Variants in EIF2AK2 observed in about 807,000 individuals in gnomAD.
The protein encoded by EIF2AK2 is interferon-induced, double-stranded RNA-activated protein kinase.
Under a neutral mutation model 70.5 loss-of-function variants are expected in EIF2AK2, and 40 were observed. That is an observed-to-expected ratio of 0.57 (90% CI 0.44 to 0.74). The LOEUF is 0.74. Among genes scored for constraint, EIF2AK2 ranks in the 30% least tolerant of loss-of-function variants. The pLI is 0.00. For missense variants in EIF2AK2, 555 were observed against 644.3 expected (o/e 0.86, Z 1.50); for synonymous variants, 198 against 220.9 (o/e 0.90, Z 0.92).
intron 1 of EIF2AK2, among the ~76,000 whole-genome samples, chr2:37,149,766 T>C (rs1266144951): frequency 1.3e-5 from 2 of 152,200 alleles, no homozygotes; most frequent in African/African-American, 4.8e-5. Context: ...ATAACAGATA[T>C]GCTTCATGAT....
At chr2:37,153,259 C>T (rs1295914213) in intron 1 of EIF2AK2, among the ~76,000 whole-genome samples, 1 of 151,520 alleles carries the variant, frequency 6.6e-6, no homozygotes, top group Non-Finnish European at 1.5e-5. Flanking sequence ...ATCCACAACT[C>T]TTAATCTTTC....
intron 14 of EIF2AK2, among the ~76,000 whole-genome samples, chr2:37,114,472 T>C (rs925118864): frequency 1.3e-5 from 2 of 152,108 alleles, no homozygotes; most frequent in African/African-American, 4.8e-5. Flanking sequence ...AAATAAGTCC[T>C]TGAAAAAATG....
intron 1 of EIF2AK2, among the ~76,000 whole-genome samples, chr2:37,150,504 A>G (rs1573042860): frequency 6.6e-6 from 1 of 152,202 alleles, no homozygotes; most frequent in Non-Finnish European, 1.5e-5. Flanking sequence ...AGGTCATGGA[A>G]CAATCATCAT....
chr2:37,147,193 C>T (rs1675576410), intron 3 of EIF2AK2, among the ~76,000 whole-genome samples: 1 of 152,192 alleles, frequency 6.6e-6, no homozygotes, highest in Non-Finnish European at 1.5e-5. Context: ...TGTGGCTCCA[C>T]CATGGTTCCC....
intron 8 of EIF2AK2, among the ~76,000 whole-genome samples, chr2:37,137,237 A>C (rs1675160050): frequency 6.6e-6 from 1 of 152,182 alleles, no homozygotes; most frequent in Admixed American, 6.5e-5. Context: ...TTTTGATTTA[A>C]ATTTTCCTGA....
At position 37,146,869 on chromosome 2, in the gene EIF2AK2, A is replaced by G; in HGVS notation, c.224T>C (p.Leu75Pro). The stretch of plus-strand genomic sequence containing the variant: ...ATCACTCACCTTCTTTTCCTTATTA[A>G]GTATCTCAACAGCTAATTTGGCTGC... ...NAAAKLAVEI[L>P]NKEKKAVSPL... The change falls in exon 4 of 17, where the codon CTT becomes CCT. Residue 75 changes from leucine (L) to proline (P), a missense_variant. Around this residue, in one of 3 missense-constraint regions of EIF2AK2, gnomAD observed 208 missense variants for 191.8 expected, o/e 1.08. Coordinates refer to ENST00000233057, the MANE Select transcript of EIF2AK2 (RefSeq NM_001135651.3). 6.2e-7 allele frequency: 1 copy of G among 1,613,664 alleles called. No homozygotes were observed.
At chr2:37,132,113 A>T (rs1674961760) in intron 10 of EIF2AK2, among the ~76,000 whole-genome samples, 1 of 152,142 alleles carries the variant, frequency 6.6e-6, no homozygotes, top group African/African-American at 2.4e-5. Flanking sequence ...TCTTTAGGGA[A>T]CCGTGAGGCT....
intron 5 of EIF2AK2, 34 bp from the exon 6 acceptor site, chr2:37,139,791 A>T (rs538995665): frequency 1.3e-6 from 2 of 1,580,722 alleles, no homozygotes; most frequent in Non-Finnish European, 1.7e-6. Context: ...TTATCCAAAC[A>T]TGAAAAATAT....
Position 37,107,247 on chromosome 2 carries a change from A to G in EIF2AK2, c.*26T>C. On this transcript the variant is annotated 3_prime_UTR_variant, in exon 17 of 17. Coordinates refer to ENST00000233057, the MANE Select transcript of EIF2AK2 (RefSeq NM_001135651.3). The stretch of plus-strand genomic sequence containing the variant: ...TAATTTAAGGAAAACTGCATATCAG[A>G]AGCAGGATACTTTTTCAGAAGGGCT... 1 of 1,600,608 alleles carries G rather than the reference A, an allele frequency of 6.2e-7. No individual in the cohort carries two copies. Among genetic ancestry groups the G allele is most frequent in the Non-Finnish European group, 8.5e-7 (1 of 1,175,896 alleles).
chr2:37,130,468 C>T (rs1331456727), intron 10 of EIF2AK2, among the ~76,000 whole-genome samples: 1 of 152,162 alleles, frequency 6.6e-6, no homozygotes, highest in Non-Finnish European at 1.5e-5. Flanking sequence ...ATTACAAAAC[C>T]AGATGGCTCC....
chr2:37,119,708 C>G (rs1558412395), intron 13 of EIF2AK2, among the ~76,000 whole-genome samples: 1 of 151,520 alleles, frequency 6.6e-6, no homozygotes, highest in Non-Finnish European at 1.5e-5. Context: ...TCTCCTGCCT[C>G]AGCCTCCCGA....
intron 10 of EIF2AK2, 74 bp from the exon 11 acceptor site, chr2:37,126,485 C>T: frequency 6.5e-7 from 1 of 1,537,824 alleles, no homozygotes; most frequent in Non-Finnish European, 8.7e-7. Context: ...CACTCCTTTC[C>T]CTTTAATGTC....
At chr2:37,141,897 A>G (rs1227407887) in intron 4 of EIF2AK2, among the ~76,000 whole-genome samples, 196 bp from the exon 5 acceptor site, 1 of 152,220 alleles carries the variant, frequency 6.6e-6, no homozygotes, top group East Asian at 1.9e-4. Context: ...ACGAAGATAG[A>G]TTTTAACAAT....
At chr2:37,155,677 G>T (rs1334892261) in intron 1 of EIF2AK2, among the ~76,000 whole-genome samples, 1 of 152,092 alleles carries the variant, frequency 6.6e-6, no homozygotes, top group Non-Finnish European at 1.5e-5. Flanking sequence ...AATAATATTT[G>T]TCCATCTTAC....
At position 37,121,158 on chromosome 2, in the gene EIF2AK2, G is replaced by A. The variant is rs1162939447; in HGVS notation, c.1068-1019C>T. Among the ~76,000 whole-genome samples, 7 of 146,282 alleles carry A rather than the reference G, an allele frequency of 4.8e-5. 1 individual carries two copies. The highest frequency in any genetic ancestry group is 9.0e-5 in the Non-Finnish European group (6 of 66,418). On this transcript the variant is annotated intron_variant, in intron 12 of 16. Coordinates refer to ENST00000233057, the MANE Select transcript of EIF2AK2 (RefSeq NM_001135651.3). ...GGCGCCTGTAGTCCCAGCTACTCAG[G>A]AGACTGAGGCAGGAGAATACTGTGA...
chr2:37,112,701 C>T (rs888406845), intron 14 of EIF2AK2, among the ~76,000 whole-genome samples: 3 of 152,122 alleles, frequency 2.0e-5, no homozygotes, highest in African/African-American at 7.2e-5. Context: ...TCCAGAAACA[C>T]ATCTATGAAT....
intron 13 of EIF2AK2, among the ~76,000 whole-genome samples, chr2:37,116,814 C>G (rs1201233526): frequency 6.6e-6 from 1 of 152,150 alleles, no homozygotes; most frequent in African/African-American, 2.4e-5. Context: ...AGGCTATCAC[C>G]TGACTCTAAG....
chr2:37,138,680 C>T, intron 6 of EIF2AK2, 95 bp from the exon 7 acceptor site: 2 of 1,029,214 alleles, frequency 1.9e-6, no homozygotes, highest in Non-Finnish European at 2.9e-6. Context: ...TATTTCAACA[C>T]ATTTACCAAA....
chr2:37,123,977 C>CTTTTTTTTT lies in EIF2AK2; in HGVS notation c.909-1322_909-1314dup, dbSNP rs895614657. Among the ~76,000 whole-genome samples, 77 of 147,634 alleles carry CTTTTTTTTT rather than the reference C, an allele frequency of 5.2e-4. No homozygotes were observed. In the South Asian group the frequency reaches 0.014, roughly 27 times the overall value. On this transcript the variant is annotated intron_variant, in intron 11 of 16. Coordinates refer to ENST00000233057, the MANE Select transcript of EIF2AK2 (RefSeq NM_001135651.3). ...AAAATAATGTTATTTTAGATTCTTC[C>CTTTTTTTTT]TTTTTTTTTTGAGACAGGGTCTCAC... is the stretch of plus-strand genomic sequence containing the variant.
Sources: gnomAD v4.1 joint callset for allele counts (sites outside exome capture counted in the v4.1 genomes callset) on GRCh38, gnomAD v4.1.1 for gene constraint, gnomAD v4.1.1 regional missense constraint, MANE v1.5 for transcripts, NCBI Gene and HGNC (gene_info 2026-07-23, HGNC 2026-07-21) for gene names.